GRIA1: variants seen among roughly 807,000 people sequenced by gnomAD.
GRIA1 encodes glutamate receptor 1.
A neutral mutation model predicts 99.2 loss-of-function variants in GRIA1; 31 were observed. The ratio of observed to expected loss-of-function variants is 0.31; its 90% confidence interval spans 0.23 to 0.42. The LOEUF is 0.42. Among genes scored for constraint, GRIA1 ranks in the 10% least tolerant of loss-of-function variants. The pLI, the probability that GRIA1 is intolerant of heterozygous loss-of-function variation, is 1.00. For synonymous variants in GRIA1, 438 were observed against 432.4 expected (o/e 1.01, Z -0.16); for missense variants, 782 against 1,157.5 (o/e 0.68, Z 4.71).
intron 13 of GRIA1, among the ~76,000 whole-genome samples, chr5:153,776,394 G>C (rs755672787): frequency 8.5e-5 from 13 of 152,088 alleles, no homozygotes; most frequent in Non-Finnish European, 1.9e-4. Context: ...GACAGAAAAT[G>C]GAAAAATACG....
intron 5 of GRIA1, among the ~76,000 whole-genome samples, chr5:153,658,483 A>G (rs1169309959): frequency 6.6e-6 from 1 of 152,240 alleles, no homozygotes; most frequent in African/African-American, 2.4e-5. Context: ...TGAAAATTGC[A>G]TATACCATCC....
chr5:153,584,768 A>G (rs1661679996), intron 2 of GRIA1, among the ~76,000 whole-genome samples: 1 of 152,234 alleles, frequency 6.6e-6, no homozygotes, highest in South Asian at 2.1e-4. Context: ...TGAGATGACT[A>G]CAATGTGGTA....
chr5:153,652,335 AT>A (rs1346935125), intron 4 of GRIA1, among the ~76,000 whole-genome samples: 1 of 152,150 alleles, frequency 6.6e-6, no homozygotes, highest in South Asian at 2.1e-4. Flanking sequence ...TATTACTACT[AT>A]TTTTTTAGTG....
At chr5:153,548,902 T>C (rs2113530001) in intron 2 of GRIA1, among the ~76,000 whole-genome samples, 1 of 152,314 alleles carries the variant, frequency 6.6e-6, no homozygotes, top group South Asian at 2.1e-4. Flanking sequence ...TTCATGTTAA[T>C]AAATAGGCAT....
At chr5:153,566,633 TGTCTTA>T (rs1474524878) in intron 2 of GRIA1, among the ~76,000 whole-genome samples, 1 of 151,524 alleles carries the variant, frequency 6.6e-6, no homozygotes, top group Non-Finnish European at 1.5e-5. Context: ...TTTGGTTGTT[TGTCTTA>T]TATTATTGAA....
intron 1 of GRIA1, among the ~76,000 whole-genome samples, chr5:153,492,671 A>G (rs1754036569): frequency 6.6e-6 from 1 of 152,146 alleles, no homozygotes; most frequent in Non-Finnish European, 1.5e-5. Context: ...AATGGTATAA[A>G]TGCATGAGGA....
At chr5:153,777,572 T>TCTC (rs1195075950) in intron 13 of GRIA1, among the ~76,000 whole-genome samples, 1 of 152,086 alleles carries the variant, frequency 6.6e-6, no homozygotes, top group Non-Finnish European at 1.5e-5. Flanking sequence ...TTTCTACCCC[T>TCTC]CTCCTCCTCC....
chr5:153,691,521 G>T (rs570067700), intron 8 of GRIA1, among the ~76,000 whole-genome samples: 1 of 152,222 alleles, frequency 6.6e-6, no homozygotes, highest in South Asian at 2.1e-4. Flanking sequence ...TAACTAGAAT[G>T]AAAAGACTGG....
chr5:153,655,959 C>A, intron 5 of GRIA1, 87 bp downstream of exon 5: 1 of 1,150,978 alleles, frequency 8.7e-7, no homozygotes, highest in Non-Finnish European at 1.3e-6. Flanking sequence ...CTGATGTGAA[C>A]TGAGTAGGTG....
chr5:153,774,073 T>TTC (rs1764058541), intron 13 of GRIA1, among the ~76,000 whole-genome samples: 1 of 21,826 alleles, frequency 4.6e-5, no homozygotes, highest in Admixed American at 4.5e-4. Flanking sequence ...CAACCCCCCC[T>TTC]CCCCCCACAC....
At chr5:153,785,581 G>T (rs1252906247) in intron 13 of GRIA1, among the ~76,000 whole-genome samples, 4 of 152,028 alleles carry the variant, frequency 2.6e-5, no homozygotes, top group African/African-American at 9.7e-5. Flanking sequence ...ACAAACAAAG[G>T]TCTGTCCTTT....
At chr5:153,770,466 C>T (rs1205067502) in intron 13 of GRIA1, 51 bp downstream of exon 13, 3 of 1,560,650 alleles carry the variant, frequency 1.9e-6, no homozygotes, top group Non-Finnish European at 8.8e-7. Context: ...CTCCCTATCT[C>T]AGGAATGAAG....
intron 2 of GRIA1, among the ~76,000 whole-genome samples, chr5:153,632,068 G>A (rs935085851): frequency 5.9e-5 from 9 of 152,222 alleles, no homozygotes; most frequent in African/African-American, 2.2e-4. Context: ...GAGAAAGCAT[G>A]AGGGGCTTGA....
chr5:153,500,600 CCCT>C (rs1370024171), intron 2 of GRIA1, among the ~76,000 whole-genome samples: 78 of 144,568 alleles, frequency 5.4e-4, no homozygotes, highest in Middle Eastern at 3.6e-3. Flanking sequence ...CTCTCTCTCC[CCCT>C]CTTACATACA....
At chr5:153,665,062 A>G (rs187250953) in intron 5 of GRIA1, among the ~76,000 whole-genome samples, 2 of 152,340 alleles carry the variant, frequency 1.3e-5, no homozygotes, top group Admixed American at 1.3e-4. Context: ...GCCAGGTGTC[A>G]TTCCTGACCA....
At chr5:153,507,062 G>A (rs950530075) in intron 2 of GRIA1, among the ~76,000 whole-genome samples, 1 of 152,150 alleles carries the variant, frequency 6.6e-6, no homozygotes, top group East Asian at 1.9e-4. Flanking sequence ...GGTGGAGGTT[G>A]CAGTGAGCCA....
chr5:153,781,565 A>C (rs990372729), intron 13 of GRIA1, among the ~76,000 whole-genome samples: 8 of 152,120 alleles, frequency 5.3e-5, no homozygotes, highest in African/African-American at 1.9e-4. Flanking sequence ...TATCACATAG[A>C]CCAGTTCCTA....
chr5:153,711,963 GAGA>G (rs1293936102), intron 11 of GRIA1, among the ~76,000 whole-genome samples: 1 of 152,198 alleles, frequency 6.6e-6, no homozygotes, highest in Non-Finnish European at 1.5e-5. Flanking sequence ...TTACTCTCAG[GAGA>G]AGAAGTCTAA....
At chr5:153,704,065 A>G (rs1758718500) in intron 10 of GRIA1, among the ~76,000 whole-genome samples, 1 of 152,258 alleles carries the variant, frequency 6.6e-6, no homozygotes, top group South Asian at 2.1e-4. Context: ...CTGACTTCAC[A>G]TTAATTAATG....
Sources: gnomAD v4.1 joint callset for allele counts (sites outside exome capture counted in the v4.1 genomes callset) on GRCh38, gnomAD v4.1.1 for gene constraint, MANE v1.5 for transcripts, NCBI Gene and HGNC (gene_info 2026-07-23, HGNC 2026-07-21) for gene names.